RALGAPA1: variants seen among roughly 807,000 people sequenced by gnomAD.
RALGAPA1 encodes Ral GTPase activating protein catalytic subunit alpha 1.
RALGAPA1 carries 52 observed loss-of-function variants against 269.6 expected under a neutral mutation model. The observed-to-expected ratio is 0.19, with a 90% CI of 0.15 to 0.24. The LOEUF (loss-of-function observed/expected upper bound fraction) is 0.24. Among genes scored for constraint, RALGAPA1 ranks in the 10% least tolerant of loss-of-function variants. The pLI is 1.00. For missense variants in RALGAPA1, 1,917 were observed against 3,013.9 expected, an observed-to-expected ratio of 0.64 and a Z score of 8.52; for synonymous variants, 817 against 1,008.3, an observed-to-expected ratio of 0.81 and a Z score of 3.60.
chr14:35,724,997 A>G, intron 14 of RALGAPA1, 27 bp downstream of exon 14: 2 of 1,509,952 alleles, frequency 1.3e-6, no homozygotes, highest in African/African-American at 1.4e-5. Flanking sequence ...CTATCCAGCT[A>G]TTCATCTATT....
At chr14:35,694,883 C>A (rs528040218) in intron 17 of RALGAPA1, among the ~76,000 whole-genome samples, 169 of 152,098 alleles carry the variant, frequency 1.1e-3, no homozygotes, top group African/African-American at 3.9e-3. Context: ...TCGAGATCAG[C>A]CTGGCCAACA....
At chr14:35,657,098 G>A (rs1205541196) in intron 28 of RALGAPA1, among the ~76,000 whole-genome samples, 1 of 151,986 alleles carries the variant, frequency 6.6e-6, no homozygotes, top group Non-Finnish European at 1.5e-5. Context: ...TCCACAAGAT[G>A]TCAAAATAAT....
At chr14:35,585,581 T>C (rs1263754957) in intron 37 of RALGAPA1, among the ~76,000 whole-genome samples, 1 of 152,240 alleles carries the variant, frequency 6.6e-6, no homozygotes, top group African/African-American at 2.4e-5. Flanking sequence ...CATAAAAGTT[T>C]CATCGTTTCA....
Position 35,612,370 on chromosome 14 carries a change from CAAAAAAAAA to C in RALGAPA1, c.6930-6670_6930-6662del, listed in dbSNP as rs1010725263. Among the ~76,000 whole-genome samples the C allele has an allele frequency of 3.0e-3, 187 of 63,334 alleles. 3 individuals carry two copies. Among genetic ancestry groups the C allele is most frequent in the African/African-American group, 9.5e-3 (173 of 18,274 alleles). The allele number at this position is 63,334 out of a possible 152,430, so 41.5% of individuals were successfully genotyped here. Reference sequence around the variant, plus strand: ...TGGGTGACAGAATGAAACTCTGTTTCAAAAAAAAAAAAAAAAAAAAAGAAGTCAGACTCT... The same window carrying C: ...TGGGTGACAGAATGAAACTCTGTTTCAAAAAAAAAAAAGAAGTCAGACTCT... On this transcript the variant is annotated intron_variant, in intron 35 of 41. Transcript: ENST00000680220.
chr14:35,595,334 C>T (rs2058869150), intron 37 of RALGAPA1, among the ~76,000 whole-genome samples: 1 of 151,948 alleles, frequency 6.6e-6, no homozygotes, highest in African/African-American at 2.4e-5. Context: ...TGTTAATTTG[C>T]TTCAATATAG....
At chr14:35,624,639 G>A (rs2060877889) in intron 35 of RALGAPA1, among the ~76,000 whole-genome samples, 1 of 152,016 alleles carries the variant, frequency 6.6e-6, no homozygotes, top group East Asian at 1.9e-4. Context: ...AGCAAGAAAC[G>A]ATGGCTCAAT....
chr14:35,555,707 T>C (rs1047260306), intron 39 of RALGAPA1, among the ~76,000 whole-genome samples: 1 of 152,208 alleles, frequency 6.6e-6, no homozygotes, highest in Non-Finnish European at 1.5e-5. Context: ...CTAATGTTTA[T>C]AGGCAGCAAT....
chr14:35,569,839 C>T (rs1458166495), intron 39 of RALGAPA1, among the ~76,000 whole-genome samples: 1 of 152,112 alleles, frequency 6.6e-6, no homozygotes, highest in African/African-American at 2.4e-5. Context: ...AACATGTACG[C>T]TGAATACAGT....
chr14:35,745,324 T>C (rs1404436388), intron 10 of RALGAPA1, among the ~76,000 whole-genome samples: 1 of 151,878 alleles, frequency 6.6e-6, no homozygotes, highest in African/African-American at 2.4e-5. Context: ...AATACATTAC[T>C]AAACAGTAAT....
At chr14:35,592,232 A>G (rs1044096001) in intron 37 of RALGAPA1, among the ~76,000 whole-genome samples, 14 of 152,222 alleles carry the variant, frequency 9.2e-5, no homozygotes, top group Middle Eastern at 3.2e-3. Flanking sequence ...GGACTATTAT[A>G]AACAACTGTA....
At chr14:35,793,334 T>A (rs1294524813) in intron 1 of RALGAPA1, among the ~76,000 whole-genome samples, 1 of 151,056 alleles carries the variant, frequency 6.6e-6, no homozygotes, top group African/African-American at 2.4e-5. Context: ...GCCTCCCAGG[T>A]TCAAGCAATT....
chr14:35,723,390 T>C, intron 14 of RALGAPA1, 126 bp from the exon 15 acceptor site: 1 of 571,368 alleles, frequency 1.8e-6, no homozygotes, highest in East Asian at 2.8e-5. Context: ...CTTTTTTTAA[T>C]AGATAATACT....
intron 28 of RALGAPA1, among the ~76,000 whole-genome samples, chr14:35,656,199 C>A (rs1454499439): frequency 6.6e-6 from 1 of 152,126 alleles, no homozygotes; most frequent in Non-Finnish European, 1.5e-5. Flanking sequence ...ACTGACATTG[C>A]TATCAAGCTT....
In RALGAPA1 at chr14:35,538,671, CCTTTTT is replaced by C. The variant is rs2053718582; in HGVS notation, c.*1037_*1042del. The C allele has an allele frequency of 6.6e-6, 1 of 152,296 alleles. No homozygotes were observed. The highest frequency in any genetic ancestry group is 1.5e-5 in the Non-Finnish European group (1 of 68,026). 9.4% of individuals were successfully genotyped at this position (152,296 alleles called of 1,614,324 possible). On this transcript the variant is annotated 3_prime_UTR_variant, in exon 42 of 42. Coordinates refer to ENST00000680220, the MANE Select transcript of RALGAPA1 (RefSeq NM_001346249.2). ...TTAACTTAGACTCCTGGGTTATGTT[CCTTTTT>C]CTTTTTTAAATAATACTCATAATTT...
intron 11 of RALGAPA1, among the ~76,000 whole-genome samples, chr14:35,740,709 G>A (rs969470616): frequency 1.3e-5 from 2 of 152,172 alleles, no homozygotes; most frequent in African/African-American, 4.8e-5. Flanking sequence ...TTGGGTGGCT[G>A]AGGCTGGATG....
chr14:35,614,445 A>T (rs1354755913), intron 35 of RALGAPA1, among the ~76,000 whole-genome samples: 1 of 151,232 alleles, frequency 6.6e-6, no homozygotes, highest in Admixed American at 6.6e-5. Context: ...CATGCTAAGT[A>T]AAAAAAAAGC....
At chr14:35,584,556 C>A (rs2058155740) in intron 37 of RALGAPA1, among the ~76,000 whole-genome samples, 1 of 152,164 alleles carries the variant, frequency 6.6e-6, no homozygotes, top group Non-Finnish European at 1.5e-5. Context: ...TTAGCCACTG[C>A]ACCCGGTTGG....
At chr14:35,702,722 A>T (rs1363324883) in intron 16 of RALGAPA1, among the ~76,000 whole-genome samples, 4 of 115,422 alleles carry the variant, frequency 3.5e-5, no homozygotes, top group Admixed American at 9.2e-5. Context: ...AATTAAAAAA[A>T]AAAAATATAT....
chr14:35,621,158 A>T (rs899274001), intron 35 of RALGAPA1, among the ~76,000 whole-genome samples: 1 of 152,204 alleles, frequency 6.6e-6, no homozygotes, highest in Non-Finnish European at 1.5e-5. Flanking sequence ...TGGTACCAAA[A>T]CAGATATATA....
Sources: gnomAD v4.1 joint callset for allele counts (sites outside exome capture counted in the v4.1 genomes callset) on GRCh38, gnomAD v4.1.1 for gene constraint, MANE v1.5 for transcripts, NCBI Gene and HGNC (gene_info 2026-07-23, HGNC 2026-07-21) for gene names.